Variants in EXOC6 observed in about 807,000 individuals in gnomAD.
The protein encoded by EXOC6 is SEC15-like 1.
Under a neutral mutation model 112.5 loss-of-function variants are expected in EXOC6, and 60 were observed. The observed-to-expected ratio is 0.53, with a 90% CI of 0.43 to 0.66. The LOEUF (loss-of-function observed/expected upper bound fraction) is 0.66, where lower values mean the gene tolerates loss of function less well. Ranked by LOEUF, EXOC6 falls within the 30% of genes least tolerant of loss-of-function variation. EXOC6 has a pLI of 0.00. For missense variants in EXOC6, 855 were observed against 957.1 expected (o/e 0.89, Z 1.41); for synonymous variants, 295 against 308.0 (o/e 0.96, Z 0.44).
intron 14 of EXOC6, among the ~76,000 whole-genome samples, chr10:92,951,351 G>T (rs900019984): frequency 6.6e-5 from 10 of 152,164 alleles, no homozygotes; most frequent in African/African-American, 2.4e-4. Context: ...CAATAATTAA[G>T]TAATGGCTAG....
chr10:92,831,502 C>A (rs1020617078), upstream of EXOC6: 5 of 340,546 alleles, frequency 1.5e-5, no homozygotes, highest in Non-Finnish European at 2.6e-5. Context: ...GGCGTGATCT[C>A]GGCTCACTGC....
At chr10:92,976,689 A>AC (rs959643636) in intron 18 of EXOC6, among the ~76,000 whole-genome samples, 1 of 152,016 alleles carries the variant, frequency 6.6e-6, no homozygotes, top group Non-Finnish European at 1.5e-5. Context: ...AAAAAAAAAA[A>AC]AACATAATTA....
At chr10:92,908,469 A>G (rs1013702355) in intron 5 of EXOC6, among the ~76,000 whole-genome samples, 3 of 152,194 alleles carry the variant, frequency 2.0e-5, no homozygotes, top group Middle Eastern at 3.4e-3. Context: ...ATGTCATCCA[A>G]TTCAATAGAA....
intron 1 of EXOC6, among the ~76,000 whole-genome samples, chr10:92,859,483 T>C (rs1156443586): frequency 6.6e-6 from 1 of 152,240 alleles, no homozygotes; most frequent in East Asian, 1.9e-4. Context: ...TTCAACAGTG[T>C]CCTGGGGCAT....
intron 18 of EXOC6, among the ~76,000 whole-genome samples, chr10:92,982,155 A>G (rs1461667904): frequency 6.6e-6 from 1 of 152,184 alleles, no homozygotes; most frequent in East Asian, 1.9e-4. Flanking sequence ...GATCTTTAGT[A>G]ATAATATGAA....
chr10:93,028,834 C>CAAAAAA (rs59650538), intron 20 of EXOC6, among the ~76,000 whole-genome samples: 2 of 79,162 alleles, frequency 2.5e-5, no homozygotes, highest in Non-Finnish European at 5.3e-5. Flanking sequence ...AACTCCATCT[C>CAAAAAA]AAAAAAAAAA....
chr10:93,013,067 G>A (rs1317177427), intron 19 of EXOC6, among the ~76,000 whole-genome samples: 1 of 151,782 alleles, frequency 6.6e-6, no homozygotes, highest in East Asian at 1.9e-4. Flanking sequence ...AAATTAATGG[G>A]GTGGGAAAAT....
At chr10:93,006,325 T>G (rs1308860277) in intron 19 of EXOC6, among the ~76,000 whole-genome samples, 1 of 152,208 alleles carries the variant, frequency 6.6e-6, no homozygotes, top group African/African-American at 2.4e-5. Flanking sequence ...GAAGAATATT[T>G]CAGTGCCTTT....
intron 20 of EXOC6, among the ~76,000 whole-genome samples, chr10:93,030,509 A>G (rs1845223969): frequency 6.6e-6 from 1 of 152,246 alleles, no homozygotes; most frequent in East Asian, 1.9e-4. Context: ...TGTTTTTAAG[A>G]AGCATGAACA....
intron 1 of EXOC6, among the ~76,000 whole-genome samples, chr10:92,843,151 T>C (rs932428391): frequency 6.6e-6 from 1 of 152,238 alleles, no homozygotes; most frequent in Non-Finnish European, 1.5e-5. Flanking sequence ...TTCCTTCTAT[T>C]GTTCTCCACC....
At chr10:92,928,497 A>G (rs938057740) in intron 9 of EXOC6, 75 bp downstream of exon 9, 6 of 844,072 alleles carry the variant, frequency 7.1e-6, no homozygotes, top group Admixed American at 2.3e-5. Flanking sequence ...TCTTCAAAGC[A>G]TGTATCACTG....
chr10:92,969,227 T>C lies in EXOC6; in HGVS notation c.1774-4826T>C, dbSNP rs1288625911. Reference sequence around the variant, plus strand: ...AAGCCCAGTTACTCTTTAGCCACTTTAGTGCTTTGAGGAAACACTAAAGTG... The same window carrying C: ...AAGCCCAGTTACTCTTTAGCCACTTCAGTGCTTTGAGGAAACACTAAAGTG... On this transcript the variant is annotated intron_variant, in intron 17 of 21. Coordinates refer to ENST00000260762, the MANE Select transcript of EXOC6 (RefSeq NM_019053.6). 2.0e-5 allele frequency among the ~76,000 whole-genome samples: 3 copies of C among 152,178 alleles called. No homozygotes were observed. The East Asian group carries it at 5.8e-4, about 29-fold the overall frequency.
At chr10:93,057,935 C>G (rs879434051) in intron 21 of EXOC6, among the ~76,000 whole-genome samples, 1 of 152,004 alleles carries the variant, frequency 6.6e-6, no homozygotes, top group East Asian at 1.9e-4. Context: ...TTTTAGCATA[C>G]TTTGTGGAAT....
chr10:92,848,297 A>C (rs951357757), upstream of EXOC6, among the ~76,000 whole-genome samples: 1 of 152,214 alleles, frequency 6.6e-6, no homozygotes, highest in African/African-American at 2.4e-5. Flanking sequence ...AGAGGGCAGG[A>C]GGCCAGCTGG....
intron 20 of EXOC6, among the ~76,000 whole-genome samples, chr10:93,024,885 T>G (rs1321950287): frequency 6.6e-6 from 1 of 152,208 alleles, no homozygotes; most frequent in Non-Finnish European, 1.5e-5. Flanking sequence ...TTTGACAGTT[T>G]GGGATCAACA....
chr10:93,038,040 C>CAAA (rs1156726278), intron 20 of EXOC6, among the ~76,000 whole-genome samples: 8 of 26,554 alleles, frequency 3.0e-4, no homozygotes, highest in Admixed American at 7.8e-4. Flanking sequence ...ACTCCGTCTC[C>CAAA]AAAAAAAAAA....
intron 20 of EXOC6, among the ~76,000 whole-genome samples, chr10:93,016,875 C>T (rs1052834983): frequency 1.2e-4 from 18 of 151,336 alleles, no homozygotes; most frequent in African/African-American, 4.1e-4. Context: ...TGCAGTGGCG[C>T]GATCTTGGCT....
chr10:92,920,176 C>A, intron 8 of EXOC6, 126 bp downstream of exon 8: 1 of 529,336 alleles, frequency 1.9e-6, no homozygotes, highest in Non-Finnish European at 3.2e-6. Context: ...AATATCCACT[C>A]TGTGTAAGGC....
intron 18 of EXOC6, among the ~76,000 whole-genome samples, chr10:92,990,121 G>T (rs190687148): frequency 2.0e-5 from 3 of 152,118 alleles, no homozygotes; most frequent in Non-Finnish European, 4.4e-5. Flanking sequence ...CTTTGAAATA[G>T]AATTTTTTTC....
Sources: allele counts gnomAD v4.1 joint callset (sites outside exome capture counted in the v4.1 genomes callset), GRCh38; gene constraint gnomAD v4.1.1; transcripts MANE v1.5; gene names NCBI Gene and HGNC (gene_info 2026-07-23, HGNC 2026-07-21).